Variants in STK33 observed in about 807,000 individuals in gnomAD.
STK33 encodes the protein serine/threonine-protein kinase 33.
In STK33, 52 loss-of-function variants were observed where a neutral mutation model predicts 58.0. That is an observed-to-expected ratio of 0.90 (90% CI 0.72 to 1.13). The LOEUF is 1.13. STK33 is among the 50% of genes most tolerant of loss of function. STK33 has a pLI of 0.00. For synonymous variants in STK33, 215 were observed against 200.1 expected (o/e 1.07, Z -0.63); for missense variants, 630 against 604.2 (o/e 1.04, Z -0.45).
At chr11:8,351,239 G>T in the STK33 span, among the ~76,000 whole-genome samples, 2 of 152,082 alleles carry the variant, frequency 1.3e-5, no homozygotes, top group African/African-American at 2.4e-5. Flanking sequence ...CCCCTGACCT[G>T]AATCTGGCCT....
At chr11:8,503,874 CCTTT>C (rs573659295) in intron 1 of STK33, among the ~76,000 whole-genome samples, 11 of 152,264 alleles carry the variant, frequency 7.2e-5, no homozygotes, top group Non-Finnish European at 1.2e-4. Flanking sequence ...GACTCCCTCC[CCTTT>C]CTAACACTTC....
intron 1 of STK33, among the ~76,000 whole-genome samples, chr11:8,517,557 G>T (rs1450784176): frequency 6.6e-6 from 1 of 152,176 alleles, no homozygotes; most frequent in Non-Finnish European, 1.5e-5. Flanking sequence ...AAAGGAGGAT[G>T]TTCAAACCCA....
At chr11:8,381,729 G>A in the STK33 span, among the ~76,000 whole-genome samples, 1 of 152,162 alleles carries the variant, frequency 6.6e-6, no homozygotes, top group Non-Finnish European at 1.5e-5. Context: ...AACGATGCCT[G>A]TCATTATTTC....
intron 15 of STK33, among the ~76,000 whole-genome samples, chr11:8,408,477 G>C (rs1000242039): frequency 4.6e-5 from 7 of 152,212 alleles, no homozygotes; most frequent in African/African-American, 1.7e-4. Context: ...GTAGAAGTAG[G>C]GACAAAATAT....
In STK33 at chr11:8,435,579, G is replaced by T; in HGVS notation, c.1061C>A (p.Ala354Asp). The T allele has an allele frequency of 6.8e-7, 1 of 1,474,460 alleles. No homozygotes were observed. The highest frequency in any genetic ancestry group is 9.1e-7 in the Non-Finnish European group (1 of 1,103,160). The allele number at this position is 1,474,460 out of a possible 1,614,324, so 91.3% of individuals were successfully genotyped here. ...CATAAGTTGTTTCAAAACACTTTTA[G>T]CTAAAAATAAGAAAAAAATCCTGAA... ...NAVWNSISDC[A>D]KSVLKQLMKV... Residue 354 changes from alanine to aspartate, a missense_variant and splice_region_variant, in exon 14 of 16, where the codon GCT becomes GAT. Physicochemically the swap from Ala to Asp is moderately radical, Grantham distance 126. Transcript: ENST00000687296.
intron 5 of STK33, 29 bp downstream of exon 5, chr11:8,474,652 T>G: frequency 6.5e-7 from 1 of 1,537,770 alleles, no homozygotes; most frequent in South Asian, 1.2e-5. Context: ...TGTCAACTTG[T>G]GCTTAGATGT....
intron 6 of STK33, chr11:8,465,924 A>G (rs961957871): frequency 2.0e-5 from 3 of 152,532 alleles, no homozygotes; most frequent in Non-Finnish European, 4.4e-5. Flanking sequence ...AAGGAGGAGC[A>G]TGTCACATCT....
intron 1 of STK33, among the ~76,000 whole-genome samples, chr11:8,589,971 T>C (rs1305672915): frequency 6.6e-6 from 1 of 152,186 alleles, no homozygotes; most frequent in Non-Finnish European, 1.5e-5. Flanking sequence ...GATAAGAGCC[T>C]CGATGTTAGA....
chr11:8,371,728 C>T, the STK33 span, among the ~76,000 whole-genome samples: 2 of 133,988 alleles, frequency 1.5e-5, no homozygotes, highest in Admixed American at 8.2e-5. Flanking sequence ...TCCCTCCCTT[C>T]TTCTCTCCCT....
At chr11:8,480,702 T>C (rs1333163309) in intron 1 of STK33, 88 bp from the exon 2 acceptor site, 1 of 151,986 alleles carries the variant, frequency 6.6e-6, no homozygotes, top group Non-Finnish European at 1.5e-5. Flanking sequence ...AATCAGAGAA[T>C]AGGTCTAAGA....
At chr11:8,414,961 G>C (rs1200999806) in intron 14 of STK33, among the ~76,000 whole-genome samples, 1 of 152,020 alleles carries the variant, frequency 6.6e-6, no homozygotes, top group Non-Finnish European at 1.5e-5. Context: ...ACAGACAGTG[G>C]CTCAGTGACA....
rs760384135 is a variant in STK33, at chr11:8,457,486, T to A, written c.559-7A>T. 6 of 1,586,140 alleles carry A rather than the reference T, an allele frequency of 3.8e-6. No individual in the cohort carries two copies. The highest frequency in any genetic ancestry group is 5.2e-6 in the Non-Finnish European group (6 of 1,160,688). On this transcript the variant is annotated splice_region_variant and splice_polypyrimidine_tract_variant and intron_variant, in intron 8 of 15. Coordinates refer to ENST00000687296, the MANE Select transcript of STK33 (RefSeq NM_001352389.2). ...CCATCACAAGGTACATTTTCTGACA[T>A]TATATATATAAAAGAGAGAGAGAGC... is the stretch of plus-strand genomic sequence containing the variant.
At chr11:8,454,324 ACATAAATATTAAT>A (rs1946606266) in intron 10 of STK33, among the ~76,000 whole-genome samples, 1 of 152,214 alleles carries the variant, frequency 6.6e-6, no homozygotes, top group Non-Finnish European at 1.5e-5. Flanking sequence ...TGTACTTAGG[ACATAAATATTAAT>A]ACACAGGAAA....
In STK33 at chr11:8,473,232, T is replaced by C. The variant is rs1013006184; in HGVS notation, c.270A>G (p.Gln90=). 11 of 1,613,378 alleles carry C rather than the reference T, an allele frequency of 6.8e-6. No homozygotes were observed. Among genetic ancestry groups the C allele is most frequent in the African/African-American group, 5.3e-5 (4 of 74,776 alleles). The change falls in exon 6 of 16, where the codon CAA becomes CAG. Residue 90 remains glutamine, a synonymous_variant. Coordinates refer to ENST00000687296, the MANE Select transcript of STK33 (RefSeq NM_001352389.2). ...CTTCTGTAAAGTTGCCCCGACCCCA[T>C]TGTTGCTGAGATGCTTTTCTCTCTA... ...SNVERKASQQ[Q]WGRGNFTEGK...
chr11:8,501,324 G>T (rs1951499267), intron 1 of STK33, among the ~76,000 whole-genome samples: 1 of 152,114 alleles, frequency 6.6e-6, no homozygotes, highest in East Asian at 1.9e-4. Flanking sequence ...AACATGTAAA[G>T]AATTCTTACA....
intron 1 of STK33, among the ~76,000 whole-genome samples, chr11:8,520,112 G>A (rs1362195624): frequency 1.1e-4 from 16 of 152,086 alleles, no homozygotes; most frequent in East Asian, 1.9e-4. Flanking sequence ...CTGGCAAAAC[G>A]AATCCAGCAG....
intron 1 of STK33, among the ~76,000 whole-genome samples, chr11:8,535,858 T>C (rs189641752): frequency 5.3e-5 from 8 of 152,188 alleles, no homozygotes; most frequent in East Asian, 3.9e-4. Context: ...AACAGATGAA[T>C]AGATAAAGAA....
intron 1 of STK33, among the ~76,000 whole-genome samples, chr11:8,551,464 C>A (rs1170402891): frequency 6.6e-6 from 1 of 152,130 alleles, no homozygotes; most frequent in Non-Finnish European, 1.5e-5. Flanking sequence ...TTTCATAGAT[C>A]TTCAATGCTT....
Position 8,545,881 on chromosome 11 carries a change from A to G in STK33, c.-466+48202T>C, listed in dbSNP as rs567306927. On this transcript the variant is annotated intron_variant, in intron 1 of 15. Coordinates refer to ENST00000687296, the MANE Select transcript of STK33 (RefSeq NM_001352389.2). ...GAACTGTGTCATTGGGTAATTTATC[A>G]TTGTGCAAACATCATAGAGTGCGCT... Among the ~76,000 whole-genome samples, 38 of 152,354 alleles carry G rather than the reference A, an allele frequency of 2.5e-4. No homozygotes were observed. The Middle Eastern group carries it at 0.01, about 41-fold the overall frequency.
Sources: allele counts gnomAD v4.1 joint callset (sites outside exome capture counted in the v4.1 genomes callset), GRCh38; gene constraint gnomAD v4.1.1; transcripts MANE v1.5; gene names NCBI Gene and HGNC (gene_info 2026-07-23, HGNC 2026-07-21).